The following ANKRD33B variants were observed in gnomAD, a reference collection of about 807,000 sequenced individuals.
ANKRD33B encodes ankyrin repeat domain-containing protein 33B.
In ANKRD33B, 6 loss-of-function variants were observed where a neutral mutation model predicts 21.5. The observed-to-expected ratio is 0.28, with a 90% confidence interval of 0.15 to 0.55. The LOEUF (loss-of-function observed/expected upper bound fraction) is 0.55. Ranked by LOEUF, ANKRD33B falls within the 20% of genes least tolerant of loss-of-function variation. ANKRD33B has a pLI of 0.94. For missense variants in ANKRD33B, 698 were observed against 747.2 expected, an observed-to-expected ratio of 0.93 and a Z score of 0.77; for synonymous variants, 347 against 342.4, an observed-to-expected ratio of 1.01 and a Z score of -0.15.
rs573373524 is a variant in ANKRD33B, at chr5:10,589,380, C to G, written c.366+24547C>G. ...CTGAGTGTCCCTCACTGTGCTGCAC[C>G]TGACTACACCAAGCCTCACCATCTC... On this transcript the variant is annotated intron_variant, in intron 1 of 3. Transcript: ENST00000296657. Among the ~76,000 whole-genome samples the G allele has an allele frequency of 3.1e-4, 47 of 152,254 alleles. 1 individual carries two copies. Among genetic ancestry groups the G allele is most frequent in the African/African-American group, 1.0e-3 (43 of 41,548 alleles).
chr5:10,606,386 T>G (rs1282257923), intron 1 of ANKRD33B, among the ~76,000 whole-genome samples: 1 of 152,214 alleles, frequency 6.6e-6, no homozygotes, highest in East Asian at 1.9e-4. Context: ...GTCATTTCTT[T>G]ATTTAAAACA....
At chr5:10,615,511 A>C (rs1251380160) in intron 1 of ANKRD33B, among the ~76,000 whole-genome samples, 1 of 152,242 alleles carries the variant, frequency 6.6e-6, no homozygotes, top group Non-Finnish European at 1.5e-5. Context: ...TGTATCTACC[A>C]GGAATTTTGA....
At chr5:10,623,541 G>A (rs10035875) in intron 2 of ANKRD33B, among the ~76,000 whole-genome samples, 3 of 152,056 alleles carry the variant, frequency 2.0e-5, no homozygotes, top group South Asian at 2.1e-4. Flanking sequence ...AATCACCTCC[G>A]AAAGCCACCT....
At chr5:10,596,791 C>T (rs1212266653) in intron 1 of ANKRD33B, among the ~76,000 whole-genome samples, 1 of 151,924 alleles carries the variant, frequency 6.6e-6, no homozygotes, top group African/African-American at 2.4e-5. Context: ...TAAGGGCAGC[C>T]AGAGAGAAAG....
intron 1 of ANKRD33B, among the ~76,000 whole-genome samples, chr5:10,590,147 A>T (rs1031083089): frequency 6.6e-6 from 1 of 152,020 alleles, no homozygotes; most frequent in Non-Finnish European, 1.5e-5. Flanking sequence ...TTGCTTTTAC[A>T]TATTAGTTAT....
chr5:10,638,922 C>G (rs534436313), intron 3 of ANKRD33B, among the ~76,000 whole-genome samples: 1 of 143,142 alleles, frequency 7.0e-6, no homozygotes. Context: ...TAGCGGGTGA[C>G]GCGGAGTTGC....
At chr5:10,629,884 G>A (rs1426019898) in intron 2 of ANKRD33B, among the ~76,000 whole-genome samples, 2 of 152,218 alleles carry the variant, frequency 1.3e-5, no homozygotes. Context: ...GATGTTGAAT[G>A]TGATGAGAAC....
rs1343614389 is a variant in ANKRD33B, at chr5:10,651,796, G to A, written c.*1683G>A. On this transcript the variant is annotated 3_prime_UTR_variant, in exon 4 of 4. Transcript: ENST00000296657. ...GCACCAGCAGGCATCGAGCAACCAG[G>A]GATCTTAAACTGGCCTCTCCAAATA... The A allele has an allele frequency of 1.3e-5, 2 of 152,352 alleles. No individual in the cohort carries two copies. Among genetic ancestry groups the A allele is most frequent in the Admixed American group, 6.5e-5 (1 of 15,274 alleles). 9.4% of individuals were successfully genotyped at this position (152,352 alleles called of 1,614,324 possible).
At chr5:10,620,707 G>A (rs1736401617) in intron 2 of ANKRD33B, among the ~76,000 whole-genome samples, 1 of 152,138 alleles carries the variant, frequency 6.6e-6, no homozygotes, top group South Asian at 2.1e-4. Flanking sequence ...TATATTTTTG[G>A]CAAGAATATG....
At chr5:10,633,908 T>G (rs1008775885) in intron 2 of ANKRD33B, among the ~76,000 whole-genome samples, 6 of 152,112 alleles carry the variant, frequency 3.9e-5, no homozygotes, top group African/African-American at 1.4e-4. Context: ...ACTGTGAGGT[T>G]CTCTCCCTCC....
intron 2 of ANKRD33B, among the ~76,000 whole-genome samples, chr5:10,623,700 G>A (rs1008057914): frequency 6.6e-6 from 1 of 152,236 alleles, no homozygotes; most frequent in African/African-American, 2.4e-5. Flanking sequence ...GGGTAGCCGT[G>A]CTGCCAGACA....
Position 10,657,187 on chromosome 5 carries a change from G to A in ANKRD33B, c.*7074G>A, listed in dbSNP as rs2126618688. 6.6e-6 allele frequency: 1 copy of A among 152,462 alleles called. No individual in the cohort carries two copies. The highest frequency in any genetic ancestry group is 2.1e-4 in the South Asian group (1 of 4,832). The allele number at this position is 152,462 out of a possible 1,614,324, so 9.4% of individuals were successfully genotyped here. On this transcript the variant is annotated 3_prime_UTR_variant, in exon 4 of 4. Transcript: ENST00000296657. ...ACAGGCCCAGAAATATGACCAGCAAGCCCGTGAGCCTTTGGGGCATCCGAC... is the reference window on the plus strand; with the variant it reads ...ACAGGCCCAGAAATATGACCAGCAAACCCGTGAGCCTTTGGGGCATCCGAC...
At chr5:10,596,183 C>A (rs1382098038) in intron 1 of ANKRD33B, among the ~76,000 whole-genome samples, 1 of 152,178 alleles carries the variant, frequency 6.6e-6, no homozygotes, top group Non-Finnish European at 1.5e-5. Context: ...AGTTTAAGTT[C>A]TGAGGCACAT....
At position 10,650,980 on chromosome 5, in the gene ANKRD33B, A is replaced by T. The variant is rs1396033757; in HGVS notation, c.*867A>T. ...AATGAGGCAAATTTAATAATAAATG[A>T]TTACCAGAAATACAAAATTAAGCCA... On this transcript the variant is annotated 3_prime_UTR_variant, in exon 4 of 4. Coordinates refer to ENST00000296657, the MANE Select transcript of ANKRD33B (RefSeq NM_001164440.2). 1 of 152,384 alleles carries T rather than the reference A, an allele frequency of 6.6e-6. No homozygotes were observed. The highest frequency in any genetic ancestry group is 1.5e-5 in the Non-Finnish European group (1 of 68,038). The allele number at this position is 152,384 out of a possible 1,614,324, so 9.4% of individuals were successfully genotyped here.
rs1030157912 is a variant in ANKRD33B, at chr5:10,591,267, C to T, written c.366+26434C>T. Among the ~76,000 whole-genome samples, 11 of 139,376 alleles carry T rather than the reference C, an allele frequency of 7.9e-5. No homozygotes were observed. In the Admixed American group the frequency reaches 8.5e-4, roughly 11 times the overall value. 91.4% of individuals were successfully genotyped at this position (139,376 alleles called of 152,430 possible). On this transcript the variant is annotated intron_variant, in intron 1 of 3. Transcript: ENST00000296657. ...GAGTGCAGTGGCACCATGTGGGCTCCCTGCAACCTCCCCCTCCCAGTTTCA... is the reference window on the plus strand; with the variant it reads ...GAGTGCAGTGGCACCATGTGGGCTCTCTGCAACCTCCCCCTCCCAGTTTCA...
chr5:10,604,043 T>C (rs574430442), intron 1 of ANKRD33B, among the ~76,000 whole-genome samples: 2 of 151,664 alleles, frequency 1.3e-5, no homozygotes, highest in South Asian at 4.2e-4. Flanking sequence ...TACAGGTGCC[T>C]GCCACCACAC....
rs1471029598 is a variant in ANKRD33B, at chr5:10,595,585, G to A, written c.367-22748G>A. ...GGATGTGGACATGTCTTTTCTGGGC[G>A]ATACATTTCAACCTACTACAGGCAG... On this transcript the variant is annotated intron_variant, in intron 1 of 3. Coordinates refer to ENST00000296657, the MANE Select transcript of ANKRD33B (RefSeq NM_001164440.2). Among the ~76,000 whole-genome samples, 18 of 152,138 alleles carry A rather than the reference G, an allele frequency of 1.2e-4. 1 individual carries two copies. The highest frequency in any genetic ancestry group is 1.2e-3 in the Admixed American group (18 of 15,272).
intron 2 of ANKRD33B, among the ~76,000 whole-genome samples, chr5:10,625,559 C>T (rs962483358): frequency 5.3e-5 from 8 of 152,310 alleles, no homozygotes; most frequent in East Asian, 1.9e-4. Context: ...CCTTCCTGCA[C>T]GGGGATGTGT....
intron 1 of ANKRD33B, among the ~76,000 whole-genome samples, chr5:10,590,812 T>A (rs2126560455): frequency 6.6e-6 from 1 of 152,172 alleles, no homozygotes; most frequent in East Asian, 1.9e-4. Flanking sequence ...GCACCCAGCC[T>A]TACTCAGCAA....
Sources: gnomAD v4.1 joint callset for allele counts (sites outside exome capture counted in the v4.1 genomes callset) on GRCh38, gnomAD v4.1.1 for gene constraint, MANE v1.5 for transcripts, NCBI Gene and HGNC (gene_info 2026-07-23, HGNC 2026-07-21) for gene names.